SLC15A1: variants seen among roughly 807,000 people sequenced by gnomAD.
The protein encoded by SLC15A1 is Caco-2 oligopeptide transporter.
SLC15A1 carries 83 observed loss-of-function variants against 92.9 expected under a neutral mutation model. That is an observed-to-expected ratio of 0.89 (90% CI 0.75 to 1.07). The LOEUF (loss-of-function observed/expected upper bound fraction) is 1.07. Among genes scored for constraint, SLC15A1 ranks in the 50% least tolerant of loss-of-function variants. The probability of loss-of-function intolerance (pLI) is 0.00; values close to 1 mark genes in which losing one functional copy is unlikely to be tolerated. For synonymous variants in SLC15A1, 322 were observed against 318.2 expected (o/e 1.01, Z -0.13); for missense variants, 857 against 880.1 (o/e 0.97, Z 0.33).
At chr13:98,710,119 A>G (rs916250423) in intron 11 of SLC15A1, among the ~76,000 whole-genome samples, 2 of 152,214 alleles carry the variant, frequency 1.3e-5, no homozygotes, top group African/African-American at 2.4e-5. Flanking sequence ...AGTGAACACA[A>G]TACGGAGTGC....
At chr13:98,718,372 T>C (rs1176657410) in intron 8 of SLC15A1, among the ~76,000 whole-genome samples, 1 of 139,774 alleles carries the variant, frequency 7.2e-6, no homozygotes, top group Non-Finnish European at 1.5e-5. Context: ...CAGGTTGCAG[T>C]GTTATGGTGC....
In SLC15A1 at chr13:98,721,887, C is replaced by T. The variant is rs764555892; in HGVS notation, c.382G>A (p.Gly128Ser). Residue 128 changes from glycine to serine, a missense_variant, in exon 6 of 23, where the codon GGC becomes AGC. Gly to Ser is a moderately conservative substitution (Grantham distance 56). Transcript: ENST00000376503. ...LPVHVVLSLI[G>S]LALIALGTGG... ...GTCCCGAGAGCTATCAGGGCCAGGCCGATCAAGGACAGCACCCTGGGAAAG... is the reference window on the plus strand; with the variant it reads ...GTCCCGAGAGCTATCAGGGCCAGGCTGATCAAGGACAGCACCCTGGGAAAG... 33 of 1,613,706 alleles carry T rather than the reference C, an allele frequency of 2.0e-5. No individual in the cohort carries two copies. Among genetic ancestry groups the T allele is most frequent in the Non-Finnish European group, 2.5e-5 (29 of 1,179,832 alleles).
chr13:98,706,241 C>T lies in SLC15A1; in HGVS notation c.1162G>A (p.Val388Ile), dbSNP rs1303922285. 2 of 1,612,066 alleles carry T rather than the reference C, an allele frequency of 1.2e-6. No homozygotes were observed. Among genetic ancestry groups the T allele is most frequent in the Non-Finnish European group, 1.7e-6 (2 of 1,179,460 alleles). ...VQVEIDKTLP[V>I]FPKGNEVQIK... ...TGGACTTCGTTTCCTTTGGGGAAGA[C>T]TGGAAGAGTTTTCTGAGCAAAATAA... The change falls in exon 16 of 23, where the codon GTC becomes ATC. Residue 388 changes from valine to isoleucine, a missense_variant. Val to Ile is a conservative substitution (Grantham distance 29). Coordinates refer to ENST00000376503, the MANE Select transcript of SLC15A1 (RefSeq NM_005073.4).
intron 4 of SLC15A1, 51 bp from the exon 5 acceptor site, chr13:98,724,082 C>A (rs552572570): frequency 1.2e-6 from 2 of 1,605,946 alleles, no homozygotes; most frequent in African/African-American, 1.3e-5. Flanking sequence ...AATAGCCATC[C>A]ACTTTTGACT....
chr13:98,749,990 C>T (rs1342667687), intron 1 of SLC15A1, among the ~76,000 whole-genome samples: 3 of 152,152 alleles, frequency 2.0e-5, no homozygotes, highest in African/African-American at 7.2e-5. Flanking sequence ...GGACCCGAAG[C>T]ATTTCCTACC....
chr13:98,712,063 G>C, intron 10 of SLC15A1, 120 bp from the exon 11 acceptor site: 1 of 716,856 alleles, frequency 1.4e-6, no homozygotes, highest in Non-Finnish European at 2.4e-6. Context: ...GGCAAGCTGG[G>C]AGGTGATTAA....
intron 1 of SLC15A1, among the ~76,000 whole-genome samples, chr13:98,732,206 G>C (rs1401416737): frequency 6.6e-6 from 1 of 152,182 alleles, no homozygotes; most frequent in Non-Finnish European, 1.5e-5. Context: ...GTAAACCTCA[G>C]AGGCATATTT....
chr13:98,731,888 GA>G (rs2088353230), intron 1 of SLC15A1, among the ~76,000 whole-genome samples: 1 of 152,148 alleles, frequency 6.6e-6, no homozygotes, highest in African/African-American at 2.4e-5. Context: ...GTGTAAATCT[GA>G]GACTCAGTAC....
intron 1 of SLC15A1, among the ~76,000 whole-genome samples, chr13:98,728,625 A>G (rs1322434971): frequency 1.3e-5 from 2 of 152,124 alleles, no homozygotes; most frequent in Admixed American, 6.6e-5. Flanking sequence ...CTGTAGAAGG[A>G]ATAAGAGCTG....
Position 98,688,556 on chromosome 13 carries a change from C to T in SLC15A1, c.1488G>A (p.Glu496=), listed in dbSNP as rs774934074. The part of the protein sequence containing the change: ...NGIRFVNTFN[E]LITITMSGKV... ...TCCCACTCATTGTGATGGTGATGAG[C>T]TCGTTAAAAGTATTTACAAATCTGA... Residue 496 remains glutamate (E), a synonymous_variant, in exon 19 of 23, where the codon GAG becomes GAA. Transcript: ENST00000376503. The T allele has an allele frequency of 6.2e-7, 1 of 1,613,626 alleles. No individual in the cohort carries two copies. The highest frequency in any genetic ancestry group is 8.5e-7 in the Non-Finnish European group (1 of 1,179,638).
chr13:98,690,474 A>G (rs983805430), intron 18 of SLC15A1, among the ~76,000 whole-genome samples: 1 of 152,208 alleles, frequency 6.6e-6, no homozygotes, highest in African/African-American at 2.4e-5. Flanking sequence ...GGCAGAGTGA[A>G]GCCGAGGAAG....
At chr13:98,710,885 T>C (rs2088156840) in intron 11 of SLC15A1, among the ~76,000 whole-genome samples, 2 of 150,804 alleles carry the variant, frequency 1.3e-5, no homozygotes, top group South Asian at 2.1e-4. Flanking sequence ...GAGTACCTTA[T>C]GGATGTTCTC....
At chr13:98,703,336 T>G (rs906668580) in intron 17 of SLC15A1, among the ~76,000 whole-genome samples, 1 of 152,114 alleles carries the variant, frequency 6.6e-6, no homozygotes, top group South Asian at 2.1e-4. Flanking sequence ...TTTTGATCAT[T>G]GGTTGCCGGT....
chr13:98,734,395 A>G (rs1052447372), intron 1 of SLC15A1, among the ~76,000 whole-genome samples: 2 of 152,082 alleles, frequency 1.3e-5, no homozygotes, highest in Admixed American at 6.5e-5. Context: ...TGCATTTCCA[A>G]CTGAGATGAA....
intron 1 of SLC15A1, among the ~76,000 whole-genome samples, chr13:98,735,471 T>G (rs1322435907): frequency 6.6e-6 from 1 of 152,200 alleles, no homozygotes; most frequent in East Asian, 1.9e-4. Context: ...AACATAGAGT[T>G]GGAAGTTCTG....
chr13:98,684,545 CAAAAAAAAAAA>C lies in SLC15A1; in HGVS notation c.*168_*178del, dbSNP rs4646233. On this transcript the variant is annotated 3_prime_UTR_variant, in exon 23 of 23. Coordinates refer to ENST00000376503, the MANE Select transcript of SLC15A1 (RefSeq NM_005073.4). ...GGACAACAAGAGCAAAACTCTGTCT[CAAAAAAAAAAA>C]AAAAAAAAAAAAGAAAAGAAAAAGA... The C allele has an allele frequency of 5.3e-6, 1 of 188,408 alleles. No individual in the cohort carries two copies. Among genetic ancestry groups the C allele is most frequent in the South Asian group, 1.0e-4 (1 of 10,002 alleles). The allele number at this position is 188,408 out of a possible 1,614,324, so 11.7% of individuals were successfully genotyped here.
At chr13:98,740,665 G>A (rs1308955960) in intron 1 of SLC15A1, among the ~76,000 whole-genome samples, 2 of 152,144 alleles carry the variant, frequency 1.3e-5, no homozygotes, top group Non-Finnish European at 2.9e-5. Flanking sequence ...AGAGCCTCCT[G>A]TAGCATAGGT....
intron 1 of SLC15A1, among the ~76,000 whole-genome samples, chr13:98,739,531 G>A (rs1417477930): frequency 6.6e-6 from 1 of 152,140 alleles, no homozygotes; most frequent in Admixed American, 6.5e-5. Context: ...GAGTTCTCAT[G>A]AGATCTGGTT....
chr13:98,708,968 T>C (rs1182693187), intron 14 of SLC15A1, among the ~76,000 whole-genome samples: 6 of 14,484 alleles, frequency 4.1e-4, no homozygotes, highest in African/African-American at 1.2e-3. Flanking sequence ...GCATATTTAC[T>C]TTTTTTTTTT....
Sources: allele counts gnomAD v4.1 joint callset (sites outside exome capture counted in the v4.1 genomes callset), GRCh38; gene constraint gnomAD v4.1.1; transcripts MANE v1.5; gene names NCBI Gene and HGNC (gene_info 2026-07-23, HGNC 2026-07-21).